Variants in ITGA1 observed in about 807,000 individuals in gnomAD.
ITGA1 encodes the protein integrin alpha-1.
A neutral mutation model predicts 145.9 loss-of-function variants in ITGA1; 85 were observed. The ratio of observed to expected loss-of-function variants is 0.58; its 90% CI spans 0.49 to 0.70. The LOEUF is 0.70. Ranked by LOEUF, ITGA1 falls within the 30% of genes least tolerant of loss-of-function variation. The pLI is 0.00. For synonymous variants in ITGA1, 520 were observed against 495.3 expected, an observed-to-expected ratio of 1.05 and a Z score of -0.66; for missense variants, 1,351 against 1,418.7, an observed-to-expected ratio of 0.95 and a Z score of 0.77.
intron 1 of ITGA1, among the ~76,000 whole-genome samples, chr5:52,818,301 A>C (rs1050833697): frequency 6.6e-6 from 1 of 151,844 alleles, no homozygotes; most frequent in African/African-American, 2.4e-5. Flanking sequence ...ATCACATTGT[A>C]ACTGGCCACT....
chr5:52,788,767 T>A (rs1049608046), intron 1 of ITGA1, among the ~76,000 whole-genome samples: 2 of 152,130 alleles, frequency 1.3e-5, no homozygotes, highest in Non-Finnish European at 2.9e-5. Flanking sequence ...TTTTATGGCA[T>A]GGGATGGGAG....
chr5:52,817,459 GC>G (rs1748795421), intron 1 of ITGA1, among the ~76,000 whole-genome samples: 2 of 152,192 alleles, frequency 1.3e-5, no homozygotes, highest in Non-Finnish European at 2.9e-5. Flanking sequence ...CTGGTTACAA[GC>G]TTTGTTAAAA....
At chr5:52,915,644 A>C (rs1324238145) in intron 15 of ITGA1, 50 bp downstream of exon 15, 1 of 1,603,904 alleles carries the variant, frequency 6.2e-7, no homozygotes, top group Non-Finnish European at 8.5e-7. Context: ...TCACTTGCAG[A>C]GCTCCCAGTG....
chr5:52,919,310 T>C (rs147380562), intron 16 of ITGA1, among the ~76,000 whole-genome samples: 36 of 152,256 alleles, frequency 2.4e-4, no homozygotes, highest in African/African-American at 7.5e-4. Flanking sequence ...AAGACTGATA[T>C]TGCAGAGAAC....
At chr5:52,927,495 C>A in intron 19 of ITGA1, 89 bp from the exon 20 acceptor site, 1 of 863,208 alleles carries the variant, frequency 1.2e-6, no homozygotes, top group African/African-American at 1.7e-5. Flanking sequence ...AAGGCAGTCA[C>A]CAAGACACAT....
intron 1 of ITGA1, among the ~76,000 whole-genome samples, chr5:52,799,646 G>A (rs1017818233): frequency 4.6e-5 from 7 of 152,234 alleles, no homozygotes; most frequent in African/African-American, 1.7e-4. Flanking sequence ...AACGTGACCA[G>A]TAGTTCTCAG....
At chr5:52,949,901 T>G (rs940561080) in intron 28 of ITGA1, among the ~76,000 whole-genome samples, 2 of 151,816 alleles carry the variant, frequency 1.3e-5, no homozygotes, top group Non-Finnish European at 2.9e-5. Context: ...CTCAGGACTA[T>G]CCCTTCTTCC....
chr5:52,888,250 G>C (rs1750086216), intron 8 of ITGA1, among the ~76,000 whole-genome samples: 1 of 151,582 alleles, frequency 6.6e-6, no homozygotes, highest in Non-Finnish European at 1.5e-5. Context: ...AAAAACATAA[G>C]AAGGAAGGAA....
chr5:52,814,930 C>CCACTTATATCT lies in ITGA1; in HGVS notation c.61+26518_61+26528dup, dbSNP rs529710089. Among the ~76,000 whole-genome samples, 5 of 152,244 alleles carry CCACTTATATCT rather than the reference C, an allele frequency of 3.3e-5. No individual in the cohort carries two copies. The East Asian group carries it at 9.7e-4, about 29-fold the overall frequency. ...CAGGGCTTCCTGGGGTTACCTCAGG[C>CCACTTATATCT]CACTTATATCTCTTATCTGTGCTTT... On this transcript the variant is annotated intron_variant, in intron 1 of 28. Transcript: ENST00000282588.
At chr5:52,788,439 C>CATCT in intron 1 of ITGA1, 25 bp downstream of exon 1, 1 of 1,491,138 alleles carries the variant, frequency 6.7e-7, no homozygotes, top group Admixed American at 2.3e-5. Context: ...TTTCTCTGAG[C>CATCT]ATCTCCTGCT....
chr5:52,821,002 C>A (rs1748871116), intron 1 of ITGA1, among the ~76,000 whole-genome samples: 1 of 152,068 alleles, frequency 6.6e-6, no homozygotes. Flanking sequence ...GTATTGATAG[C>A]CTACTTTCTA....
chr5:52,929,505 A>G, intron 20 of ITGA1, 120 bp from the exon 21 acceptor site: 1 of 635,264 alleles, frequency 1.6e-6, no homozygotes, highest in South Asian at 1.9e-5. Flanking sequence ...TCATTTTGTA[A>G]GACAATGTTT....
In ITGA1 at chr5:52,788,405, C is replaced by T; in HGVS notation, c.52C>T (p.Leu18Phe). 6.6e-7 allele frequency: 1 copy of T among 1,513,148 alleles called. No homozygotes were observed. The highest frequency in any genetic ancestry group is 1.2e-5 in the South Asian group (1 of 81,162). 93.7% of individuals were successfully genotyped at this position (1,513,148 alleles called of 1,614,324 possible). A position where few individuals can be genotyped will look rare whatever the true frequency, so the allele number is the denominator to read the frequency against. ...AGGGGTCGCTGTCGCCTGCTGCTGG[C>T]TCCTCACTGGTGAGCGACTCGCTTT... Reference protein sequence around the residue: ...RPGVAVACCWLLTVVLRCCVS... With the variant: ...RPGVAVACCWFLTVVLRCCVS... Residue 18 changes from leucine (L) to phenylalanine (F), a missense_variant, in exon 1 of 29, where the codon CTC (leucine) becomes TTC (phenylalanine). Leu to Phe is a conservative substitution (Grantham distance 22). Coordinates refer to ENST00000282588, the MANE Select transcript of ITGA1 (RefSeq NM_181501.2).
chr5:52,815,538 C>T (rs1423506631), intron 1 of ITGA1, among the ~76,000 whole-genome samples: 1 of 152,122 alleles, frequency 6.6e-6, no homozygotes, highest in Non-Finnish European at 1.5e-5. Flanking sequence ...TTGGGAGGAG[C>T]CTGGTGAATG....
intron 14 of ITGA1, among the ~76,000 whole-genome samples, chr5:52,910,979 G>C (rs1412089201): frequency 3.6e-5 from 4 of 111,140 alleles, no homozygotes; most frequent in Non-Finnish European, 5.1e-5. Context: ...ACTATATATA[G>C]TATGTATACT....
At chr5:52,805,556 A>C (rs1237684883) in intron 1 of ITGA1, among the ~76,000 whole-genome samples, 3 of 152,174 alleles carry the variant, frequency 2.0e-5, no homozygotes, top group African/African-American at 7.2e-5. Flanking sequence ...GGTAAATCTC[A>C]GATTTCTTGA....
intron 5 of ITGA1, 31 bp from the exon 6 acceptor site, chr5:52,865,659 C>T (rs775813091): frequency 9.8e-6 from 14 of 1,423,068 alleles, no homozygotes; most frequent in Non-Finnish European, 1.2e-5. Context: ...AAATAGATTC[C>T]AAATTTGACA....
chr5:52,866,518 A>G (rs1749690575), intron 6 of ITGA1, among the ~76,000 whole-genome samples: 1 of 152,164 alleles, frequency 6.6e-6, no homozygotes, highest in Admixed American at 6.5e-5. Context: ...TCACATTATA[A>G]TCTCTCCTCT....
chr5:52,926,115 T>A (rs553626456), intron 19 of ITGA1, among the ~76,000 whole-genome samples: 147 of 152,200 alleles, frequency 9.7e-4, no homozygotes, highest in Middle Eastern at 3.4e-3. Context: ...TAATTAATAT[T>A]ACATACAATT....
Sources: gnomAD v4.1 joint callset for allele counts (sites outside exome capture counted in the v4.1 genomes callset) on GRCh38, gnomAD v4.1.1 for gene constraint, MANE v1.5 for transcripts, NCBI Gene and HGNC (gene_info 2026-07-23, HGNC 2026-07-21) for gene names.